Variants in CHODL observed in about 807,000 individuals in gnomAD.
The protein encoded by CHODL is transmembrane protein MT75.
CHODL carries 29 observed loss-of-function variants against 34.5 expected under a neutral mutation model. The observed-to-expected ratio is 0.84, with a 90% CI of 0.63 to 1.15. The LOEUF is 1.15. CHODL is among the 50% of genes most tolerant of loss of function. The pLI, the probability that CHODL is intolerant of heterozygous loss-of-function variation, is 0.00. For missense variants in CHODL, 332 were observed against 332.5 expected, an observed-to-expected ratio of 1.00 and a Z score of 0.01; for synonymous variants, 125 against 116.1, an observed-to-expected ratio of 1.08 and a Z score of -0.49.
intron 2 of CHODL, among the ~76,000 whole-genome samples, chr21:18,101,712 A>G (rs1407534211): frequency 8.5e-6 from 1 of 117,666 alleles, no homozygotes; most frequent in Non-Finnish European, 1.9e-5. Flanking sequence ...TCCATTTACA[A>G]CATTTTTTTT....
At chr21:18,161,786 C>T (rs1436088109) in intron 2 of CHODL, among the ~76,000 whole-genome samples, 1 of 152,162 alleles carries the variant, frequency 6.6e-6, no homozygotes, top group Non-Finnish European at 1.5e-5. Flanking sequence ...CTGAAACTTT[C>T]ATCAGAATTT....
chr21:17,939,991 T>C (rs2063350328), intron 1 of CHODL, among the ~76,000 whole-genome samples: 1 of 152,222 alleles, frequency 6.6e-6, no homozygotes, highest in Non-Finnish European at 1.5e-5. Flanking sequence ...TAACCTGTGC[T>C]GTCATAGAGG....
chr21:18,034,795 T>C (rs987096799), intron 2 of CHODL, among the ~76,000 whole-genome samples: 1 of 152,046 alleles, frequency 6.6e-6, no homozygotes, highest in African/African-American at 2.4e-5. Context: ...TGAAGTTCTT[T>C]CTCCAGGGAG....
Position 18,262,770 on chromosome 21 carries a change from GA to G in CHODL, c.635-19del. The G allele has an allele frequency of 2.3e-6, 3 of 1,312,658 alleles. No homozygotes were observed. Among genetic ancestry groups the G allele is most frequent in the Non-Finnish European group, 3.3e-6 (3 of 912,054 alleles). 81.3% of individuals were successfully genotyped at this position (1,312,658 alleles called of 1,614,324 possible). On this transcript the variant is annotated intron_variant, in intron 4 of 5. Coordinates refer to ENST00000299295, the MANE Select transcript of CHODL (RefSeq NM_024944.3). ...TTCTTCCTCAACTATCTTTTCACAT[GA>G]AGACTGTTTTATTTTGTAGGTATAA...
intron 2 of CHODL, among the ~76,000 whole-genome samples, chr21:18,184,211 GT>G (rs1298977928): frequency 3.9e-5 from 6 of 152,158 alleles, no homozygotes; most frequent in Non-Finnish European, 8.8e-5. Flanking sequence ...AGTAAAGTAG[GT>G]AACTGGAAAT....
chr21:17,985,217 C>G (rs975351873), intron 1 of CHODL, among the ~76,000 whole-genome samples: 1 of 152,044 alleles, frequency 6.6e-6, no homozygotes, highest in African/African-American at 2.4e-5. Flanking sequence ...CTTTTATGTC[C>G]TTTAGTAAAA....
chr21:18,058,886 T>C (rs2064618830), intron 2 of CHODL, among the ~76,000 whole-genome samples: 1 of 152,158 alleles, frequency 6.6e-6, no homozygotes, highest in Admixed American at 6.5e-5. Context: ...TGCCTGATTG[T>C]CTTTTTCCCC....
At chr21:17,967,289 T>C (rs1249139495) in intron 1 of CHODL, among the ~76,000 whole-genome samples, 1 of 152,192 alleles carries the variant, frequency 6.6e-6, no homozygotes, top group Non-Finnish European at 1.5e-5. Flanking sequence ...ACTTGGACAC[T>C]ACTAGTATGC....
At chr21:18,172,449 A>T (rs553879079) in intron 2 of CHODL, among the ~76,000 whole-genome samples, 1 of 152,168 alleles carries the variant, frequency 6.6e-6, no homozygotes, top group African/African-American at 2.4e-5. Context: ...TAGAGTTCTT[A>T]TATCTAACTT....
chr21:18,263,337 C>T (rs1311401786), intron 5 of CHODL, among the ~76,000 whole-genome samples: 1 of 152,078 alleles, frequency 6.6e-6, no homozygotes, highest in African/African-American at 2.4e-5. Flanking sequence ...TATTACTTTT[C>T]AAAATTCAAG....
intron 1 of CHODL, among the ~76,000 whole-genome samples, chr21:17,927,475 T>C (rs548178452): frequency 5.3e-5 from 8 of 152,196 alleles, no homozygotes; most frequent in Non-Finnish European, 1.0e-4. Flanking sequence ...GTTCAAAACA[T>C]TTCTTTTCTG....
chr21:18,210,673 C>T (rs2073763271), intron 2 of CHODL, among the ~76,000 whole-genome samples: 1 of 152,156 alleles, frequency 6.6e-6, no homozygotes, highest in Non-Finnish European at 1.5e-5. Context: ...ATTTATTCCT[C>T]CTTATCACTT....
At chr21:18,249,634 G>C (rs1440529907) in intron 1 of CHODL, among the ~76,000 whole-genome samples, 1 of 152,072 alleles carries the variant, frequency 6.6e-6, no homozygotes, top group Non-Finnish European at 1.5e-5. Context: ...TTTTGTTCAT[G>C]AAATATTTCA....
At chr21:17,978,417 G>A (rs1304283613) in intron 1 of CHODL, among the ~76,000 whole-genome samples, 3 of 108,288 alleles carry the variant, frequency 2.8e-5, no homozygotes, top group South Asian at 3.1e-4. Context: ...GCGAGACTCC[G>A]TATCAAAAAA....
At chr21:18,156,054 T>A (rs1320377944) in intron 2 of CHODL, among the ~76,000 whole-genome samples, 1 of 152,226 alleles carries the variant, frequency 6.6e-6, no homozygotes, top group Non-Finnish European at 1.5e-5. Flanking sequence ...TGGGAAATTC[T>A]CTGCTGAAGT....
chr21:18,199,436 A>G (rs6517801), intron 2 of CHODL, among the ~76,000 whole-genome samples: 119,944 of 151,978 alleles, frequency 0.79, 47,475 homozygotes, highest in East Asian at 0.93. Context: ...ATCTTGATTA[A>G]TGTGATAATT....
At chr21:18,112,874 T>C (rs2146564532) in intron 2 of CHODL, among the ~76,000 whole-genome samples, 1 of 152,142 alleles carries the variant, frequency 6.6e-6, no homozygotes, top group Admixed American at 6.5e-5. Flanking sequence ...TCTTGAACAA[T>C]ACCCTAAGAG....
intron 2 of CHODL, among the ~76,000 whole-genome samples, chr21:18,195,235 T>C (rs1193455866): frequency 6.6e-6 from 1 of 151,952 alleles, no homozygotes; most frequent in African/African-American, 2.4e-5. Context: ...TTTGTATTTT[T>C]AGTAGAGATG....
intron 1 of CHODL, among the ~76,000 whole-genome samples, chr21:17,989,424 C>A (rs1335150427): frequency 6.6e-6 from 1 of 152,064 alleles, no homozygotes; most frequent in African/African-American, 2.4e-5. Context: ...TCTTCCTATC[C>A]TCACATATAT....
Sources: gnomAD v4.1 joint callset for allele counts (sites outside exome capture counted in the v4.1 genomes callset) on GRCh38, gnomAD v4.1.1 for gene constraint, MANE v1.5 for transcripts, NCBI Gene and HGNC (gene_info 2026-07-23, HGNC 2026-07-21) for gene names.